Variants in BAZ1A observed in about 807,000 individuals in gnomAD.
BAZ1A encodes the protein bromodomain adjacent to zinc finger domain protein 1A.
A neutral mutation model predicts 185.2 loss-of-function variants in BAZ1A; 50 were observed. The ratio of observed to expected loss-of-function variants is 0.27; its 90% confidence interval spans 0.22 to 0.34. BAZ1A has a LOEUF of 0.34. BAZ1A is among the 10% of genes least tolerant of loss of function. BAZ1A has a pLI of 1.00. For synonymous variants in BAZ1A, 571 were observed against 615.6 expected (o/e 0.93, Z 1.07); for missense variants, 1,356 against 1,839.9 (o/e 0.74, Z 4.81).
chr14:34,809,007 CAT>C (rs1183371773), intron 5 of BAZ1A, among the ~76,000 whole-genome samples: 4 of 152,172 alleles, frequency 2.6e-5, no homozygotes, highest in African/African-American at 9.7e-5. Flanking sequence ...CTGTACTAAA[CAT>C]GTGCAGACTT....
At chr14:34,762,306 G>C in intron 23 of BAZ1A, 83 bp from the exon 24 acceptor site, 1 of 1,316,542 alleles carries the variant, frequency 7.6e-7, no homozygotes, top group Non-Finnish European at 1.1e-6. Flanking sequence ...GTTGTATTTA[G>C]CCAATGAGTT....
intron 2 of BAZ1A, among the ~76,000 whole-genome samples, chr14:34,863,147 C>T (rs2042798152): frequency 7.3e-6 from 1 of 137,592 alleles, no homozygotes; most frequent in Non-Finnish European, 1.5e-5. Context: ...CGCCACCACG[C>T]TCGGCTTTTT....
intron 14 of BAZ1A, among the ~76,000 whole-genome samples, chr14:34,784,144 A>C (rs1594834737): frequency 6.6e-6 from 1 of 151,550 alleles, no homozygotes; most frequent in Non-Finnish European, 1.5e-5. Flanking sequence ...CGAGGCGGGC[A>C]GATCACCTGA....
intron 3 of BAZ1A, among the ~76,000 whole-genome samples, chr14:34,835,712 G>T (rs981906214): frequency 2.7e-5 from 4 of 145,974 alleles, no homozygotes; most frequent in African/African-American, 1.0e-4. Context: ...CTCTCTTGTT[G>T]CCAGGCTGGA....
intron 24 of BAZ1A, among the ~76,000 whole-genome samples, chr14:34,761,007 G>A (rs767139772): frequency 2.6e-4 from 40 of 151,926 alleles, no homozygotes; most frequent in Admixed American, 4.6e-4. Context: ...GGCCAGGCGC[G>A]GTGGCTCACG....
chr14:34,823,634 C>G (rs1474460639), intron 4 of BAZ1A, among the ~76,000 whole-genome samples: 1 of 151,956 alleles, frequency 6.6e-6, no homozygotes, highest in East Asian at 1.9e-4. Flanking sequence ...GTACTCCAGC[C>G]TGGGCAACAA....
intron 4 of BAZ1A, among the ~76,000 whole-genome samples, chr14:34,824,328 C>G (rs1320228110): frequency 7.4e-6 from 1 of 134,950 alleles, no homozygotes; most frequent in Non-Finnish European, 1.5e-5. Context: ...GAGCTATGAT[C>G]TCACCACTGC....
At chr14:34,820,802 A>G (rs1376116581) in intron 4 of BAZ1A, among the ~76,000 whole-genome samples, 2 of 151,940 alleles carry the variant, frequency 1.3e-5, no homozygotes, top group Non-Finnish European at 2.9e-5. Flanking sequence ...TTCTAGCACT[A>G]CTGATTGAAA....
rs1879589393 is a variant in BAZ1A at position 34,776,156 on chromosome 14, C to T, written c.2596G>A (p.Glu866Lys). Residue 866 changes from glutamate to lysine, a missense_variant, in exon 18 of 27, where the codon GAA becomes AAA. Physicochemically the swap from Glu to Lys is moderately conservative, Grantham distance 56 (BLOSUM62 1). This residue lies in a region of BAZ1A where 434 missense variants were observed against 561.7 expected (regional missense o/e 0.77). Coordinates refer to ENST00000360310, the MANE Select transcript of BAZ1A (RefSeq NM_013448.3). ...STKTGEPLMSESTSNIDQGPR... is the reference protein window; with the variant it reads ...STKTGEPLMSKSTSNIDQGPR... ...CCTTGGTCAATGTTGGAGGTAGATT[C>T]AGACATCAAAGGCTCTCCAGTTTTA... is the stretch of plus-strand genomic sequence containing the variant. The T allele has an allele frequency of 1.2e-6, 2 of 1,614,080 alleles. No homozygotes were observed. The highest frequency in any genetic ancestry group is 1.7e-6 in the Non-Finnish European group (2 of 1,180,040).
intron 3 of BAZ1A, among the ~76,000 whole-genome samples, chr14:34,855,224 T>C (rs2042658172): frequency 6.6e-6 from 1 of 152,184 alleles, no homozygotes; most frequent in Admixed American, 6.5e-5. Flanking sequence ...TATAACCTAC[T>C]CTTGTAACAA....
At chr14:34,841,356 T>C (rs1333936589) in intron 3 of BAZ1A, among the ~76,000 whole-genome samples, 2 of 152,184 alleles carry the variant, frequency 1.3e-5, no homozygotes, top group Non-Finnish European at 2.9e-5. Flanking sequence ...TCTATTTGAA[T>C]ATTAGTAACA....
intron 24 of BAZ1A, 21 bp downstream of exon 24, chr14:34,761,736 A>G (rs761085981): frequency 6.4e-7 from 1 of 1,550,654 alleles, no homozygotes; most frequent in Non-Finnish European, 8.8e-7. Context: ...TAGGGAAGGA[A>G]GAGTTTAGAT....
intron 4 of BAZ1A, among the ~76,000 whole-genome samples, chr14:34,820,112 T>C (rs2042063924): frequency 6.7e-6 from 1 of 149,176 alleles, no homozygotes; most frequent in Admixed American, 6.9e-5. Flanking sequence ...ATTTTTTAAT[T>C]GGGTTCCTCG....
chr14:34,796,707 C>T (rs1408538870), intron 9 of BAZ1A, among the ~76,000 whole-genome samples: 2 of 152,128 alleles, frequency 1.3e-5, no homozygotes, highest in Admixed American at 1.3e-4. Flanking sequence ...AGTAAGTATA[C>T]TTAATATGTT....
intron 3 of BAZ1A, among the ~76,000 whole-genome samples, chr14:34,857,578 G>A (rs571739704): frequency 4.1e-4 from 62 of 152,206 alleles, no homozygotes; most frequent in Non-Finnish European, 7.2e-4. Context: ...TCCAATCCAT[G>A]AATAAATCGT....
intron 16 of BAZ1A, among the ~76,000 whole-genome samples, 164 bp downstream of exon 16, chr14:34,782,955 T>C (rs939269330): frequency 3.3e-5 from 5 of 152,190 alleles, no homozygotes; most frequent in Admixed American, 2.6e-4. Flanking sequence ...GATAAATATA[T>C]TGGTTAAAAA....
intron 2 of BAZ1A, among the ~76,000 whole-genome samples, chr14:34,864,765 C>A (rs1426534865): frequency 7.0e-6 from 1 of 143,382 alleles, no homozygotes; most frequent in East Asian, 2.0e-4. Flanking sequence ...CCACCGCACA[C>A]AGCGCAATAA....
intron 4 of BAZ1A, among the ~76,000 whole-genome samples, chr14:34,814,945 A>T (rs894586882): frequency 2.7e-5 from 4 of 150,476 alleles, no homozygotes; most frequent in African/African-American, 9.8e-5. Flanking sequence ...AGCTAATTTT[A>T]TGTATTTTTA....
chr14:34,861,366 T>C (rs1309911774), intron 3 of BAZ1A, among the ~76,000 whole-genome samples: 1 of 152,220 alleles, frequency 6.6e-6, no homozygotes, highest in Admixed American at 6.5e-5. Context: ...AAATCCACTT[T>C]ATTTCTGAAG....
Sources: allele counts gnomAD v4.1 joint callset (sites outside exome capture counted in the v4.1 genomes callset), GRCh38; gene constraint gnomAD v4.1.1; regional missense constraint gnomAD v4.1.1; transcripts MANE v1.5; gene names NCBI Gene and HGNC (gene_info 2026-07-23, HGNC 2026-07-21).